The following ARHGAP26 variants were observed in gnomAD, a reference collection of about 807,000 sequenced individuals.
ARHGAP26 encodes the protein Rho GTPase activating protein 26.
A neutral mutation model predicts 104.8 loss-of-function variants in ARHGAP26; 38 were observed. That is an observed-to-expected ratio of 0.36 (90% CI 0.28 to 0.48). The LOEUF is 0.48. Among genes scored for constraint, ARHGAP26 ranks in the 20% least tolerant of loss-of-function variants. The pLI is 0.99. For synonymous variants in ARHGAP26, 341 were observed against 340.0 expected, an observed-to-expected ratio of 1.00 and a Z score of -0.03; for missense variants, 704 against 947.9, an observed-to-expected ratio of 0.74 and a Z score of 3.38.
At chr5:143,183,486 C>T (rs1804697497) in intron 20 of ARHGAP26, among the ~76,000 whole-genome samples, 1 of 152,212 alleles carries the variant, frequency 6.6e-6, no homozygotes, top group Non-Finnish European at 1.5e-5. Context: ...ACAAAGCTCA[C>T]AGCTTTGGTG....
At chr5:143,028,473 A>G (rs1223074921) in intron 12 of ARHGAP26, among the ~76,000 whole-genome samples, 1 of 152,258 alleles carries the variant, frequency 6.6e-6, no homozygotes. Flanking sequence ...TATCATAAAG[A>G]TAACATGAAC....
chr5:143,050,558 C>CA (rs1432014460), intron 14 of ARHGAP26, among the ~76,000 whole-genome samples: 1 of 152,142 alleles, frequency 6.6e-6, no homozygotes, highest in Non-Finnish European at 1.5e-5. Context: ...TACCTTTTCA[C>CA]AGAGTGGCAT....
intron 17 of ARHGAP26, among the ~76,000 whole-genome samples, chr5:143,094,556 A>G (rs1039018542): frequency 6.6e-6 from 1 of 152,228 alleles, no homozygotes; most frequent in African/African-American, 2.4e-5. Context: ...ACTTGAATAT[A>G]AAATTTTCTT....
At position 142,770,483 on chromosome 5, in the gene ARHGAP26, C is replaced by T. The variant is rs1292547271; in HGVS notation, c.-279C>T. 2 of 192,804 alleles carry T rather than the reference C, an allele frequency of 1.0e-5. No individual in the cohort carries two copies. Among genetic ancestry groups the T allele is most frequent in the East Asian group, 8.0e-5 (1 of 12,458 alleles). 11.9% of individuals were successfully genotyped at this position (192,804 alleles called of 1,614,324 possible). ...CGGCGTCTGCACTCGCTCGCCCGCT[C>T]GCTCGCTTCCCGGCGCCGCTGCGGG... On this transcript the variant is annotated 5_prime_UTR_variant, in exon 1 of 23. Transcript: ENST00000645722.
chr5:142,872,360 C>G (rs1034138325), intron 1 of ARHGAP26, among the ~76,000 whole-genome samples: 1 of 152,152 alleles, frequency 6.6e-6, no homozygotes, highest in Non-Finnish European at 1.5e-5. Context: ...CTTATTAAAG[C>G]CAGGCCTTGT....
intron 18 of ARHGAP26, among the ~76,000 whole-genome samples, chr5:143,122,341 C>T (rs563503938): frequency 6.6e-6 from 1 of 152,320 alleles, no homozygotes; most frequent in East Asian, 1.9e-4. Flanking sequence ...TTGCTGTTCC[C>T]AGTGGTTGGA....
At chr5:142,968,299 C>G (rs1272182687) in intron 11 of ARHGAP26, among the ~76,000 whole-genome samples, 1 of 152,204 alleles carries the variant, frequency 6.6e-6, no homozygotes, top group African/African-American at 2.4e-5. Flanking sequence ...AGAGCCAGTG[C>G]TCTTCTCCAC....
chr5:142,978,886 A>G (rs896659786), intron 11 of ARHGAP26, among the ~76,000 whole-genome samples: 5 of 152,140 alleles, frequency 3.3e-5, no homozygotes, highest in African/African-American at 9.6e-5. Flanking sequence ...ACTTTACCAC[A>G]TTTATTTTTG....
chr5:143,228,668 T>C lies in ARHGAP26; in HGVS notation c.*6222T>C, dbSNP rs956772831. 1 of 208,078 alleles carries C rather than the reference T, an allele frequency of 4.8e-6. No homozygotes were observed. The highest frequency in any genetic ancestry group is 9.8e-6 in the Non-Finnish European group (1 of 101,966). 12.9% of individuals were successfully genotyped at this position (208,078 alleles called of 1,614,324 possible). On this transcript the variant is annotated 3_prime_UTR_variant, in exon 23 of 23. Transcript: ENST00000645722. ...AAAGTGCTGTGTGATATAATATCAA[T>C]AAAGTACTTATTAAATGGCACTTTA...
At chr5:143,069,133 G>T (rs1787912522) in intron 17 of ARHGAP26, among the ~76,000 whole-genome samples, 1 of 152,122 alleles carries the variant, frequency 6.6e-6, no homozygotes, top group Non-Finnish European at 1.5e-5. Context: ...TTCCTCGATT[G>T]TTTTAAGATT....
chr5:143,038,852 C>T (rs181897126), intron 13 of ARHGAP26, among the ~76,000 whole-genome samples: 33 of 151,916 alleles, frequency 2.2e-4, no homozygotes, highest in African/African-American at 7.2e-4. Context: ...CACACCACCA[C>T]GTCCAGCTAA....
intron 20 of ARHGAP26, among the ~76,000 whole-genome samples, chr5:143,200,051 A>G (rs922624616): frequency 3.9e-5 from 6 of 152,182 alleles, no homozygotes; most frequent in Admixed American, 2.0e-4. Context: ...CATTGCTTCC[A>G]CGTGGAAACA....
chr5:143,129,536 C>T (rs1312456560), intron 18 of ARHGAP26, among the ~76,000 whole-genome samples: 2 of 152,220 alleles, frequency 1.3e-5, no homozygotes, highest in Non-Finnish European at 2.9e-5. Flanking sequence ...ATAAAGACCA[C>T]AAGTGCTTAA....
intron 12 of ARHGAP26, among the ~76,000 whole-genome samples, chr5:143,035,422 G>A (rs1226386269): frequency 6.6e-6 from 1 of 152,176 alleles, no homozygotes; most frequent in Non-Finnish European, 1.5e-5. Flanking sequence ...ATTATTCTAA[G>A]TGAAGTAACT....
intron 4 of ARHGAP26, among the ~76,000 whole-genome samples, chr5:142,882,324 G>A (rs1418774415): frequency 3.9e-5 from 6 of 152,198 alleles, no homozygotes; most frequent in African/African-American, 1.2e-4. Context: ...AACGGTGTCT[G>A]TCGTATAGCT....
chr5:142,934,972 C>A (rs1037877112), intron 11 of ARHGAP26, among the ~76,000 whole-genome samples: 1 of 152,048 alleles, frequency 6.6e-6, no homozygotes, highest in Non-Finnish European at 1.5e-5. Flanking sequence ...ATATCCTAGT[C>A]TAAAGAAATG....
intron 11 of ARHGAP26, among the ~76,000 whole-genome samples, chr5:142,990,001 G>C (rs1021812287): frequency 2.6e-5 from 4 of 152,096 alleles, no homozygotes; most frequent in Non-Finnish European, 5.9e-5. Flanking sequence ...ATGTTGGCCT[G>C]CCTTTCTAGG....
chr5:143,101,223 G>A (rs2150614350), intron 17 of ARHGAP26, among the ~76,000 whole-genome samples: 1 of 152,334 alleles, frequency 6.6e-6, no homozygotes, highest in Admixed American at 6.5e-5. Context: ...AGGAAGGAAT[G>A]AGAATGAGTC....
intron 17 of ARHGAP26, among the ~76,000 whole-genome samples, chr5:143,079,363 G>A (rs762530248): frequency 3.9e-5 from 6 of 152,126 alleles, no homozygotes; most frequent in Admixed American, 1.3e-4. Flanking sequence ...TGTTTCCAGC[G>A]TCCTCTATGT....
Sources: gnomAD v4.1 joint callset for allele counts (sites outside exome capture counted in the v4.1 genomes callset) on GRCh38, gnomAD v4.1.1 for gene constraint, MANE v1.5 for transcripts, NCBI Gene and HGNC (gene_info 2026-07-23, HGNC 2026-07-21) for gene names.